The following ATOH8 variants were observed in gnomAD, a reference collection of about 807,000 sequenced individuals.
ATOH8 encodes atonal bHLH transcription factor 8.
ATOH8 carries 9 observed loss-of-function variants against 21.2 expected under a neutral mutation model. The observed-to-expected ratio is 0.42, with a 90% confidence interval of 0.26 to 0.74. The LOEUF (loss-of-function observed/expected upper bound fraction) is 0.74. ATOH8 is among the 30% of genes least tolerant of loss of function. The pLI is 0.24. For missense variants in ATOH8, 524 were observed against 470.9 expected, an observed-to-expected ratio of 1.11 and a Z score of -1.04; for synonymous variants, 253 against 224.0, an observed-to-expected ratio of 1.13 and a Z score of -1.16.
intron 1 of ATOH8, among the ~76,000 whole-genome samples, chr2:85,757,823 T>A (rs1679757764): frequency 6.7e-6 from 1 of 150,338 alleles, no homozygotes; most frequent in South Asian, 2.1e-4. Context: ...TCTCTTTCTG[T>A]TGACCAGGCT....
chr2:85,755,813 C>G (rs1418754357), intron 1 of ATOH8, among the ~76,000 whole-genome samples: 1 of 152,078 alleles, frequency 6.6e-6, no homozygotes, highest in Non-Finnish European at 1.5e-5. Context: ...CGAGAAGGAG[C>G]TCTAGGAAGG....
chr2:85,788,997 T>A lies in ATOH8; in HGVS notation c.*2107T>A, dbSNP rs1297144309. On this transcript the variant is annotated 3_prime_UTR_variant, in exon 3 of 3. Coordinates refer to ENST00000306279, the MANE Select transcript of ATOH8 (RefSeq NM_032827.7). ...AGCCACCCTGTGAAGCTGGCACAGA[T>A]AACAGCACTGCTCTGTTGTCCCTCG... Among the ~76,000 whole-genome samples, 1 of 152,206 alleles carries A rather than the reference T, an allele frequency of 6.6e-6. No individual in the cohort carries two copies. The highest frequency in any genetic ancestry group is 2.1e-4 in the South Asian group (1 of 4,836).
At chr2:85,767,101 C>T (rs1242377292) in intron 2 of ATOH8, among the ~76,000 whole-genome samples, 1 of 150,442 alleles carries the variant, frequency 6.6e-6, no homozygotes, top group Admixed American at 6.6e-5. Context: ...TCCTGGCTTT[C>T]GAGTTGCAAT....
At chr2:85,782,127 CT>C (rs1196060634) in intron 2 of ATOH8, among the ~76,000 whole-genome samples, 3 of 152,196 alleles carry the variant, frequency 2.0e-5, no homozygotes, top group South Asian at 2.1e-4. Flanking sequence ...CATATCTGCT[CT>C]TTTTTTCACC....
intron 2 of ATOH8, among the ~76,000 whole-genome samples, chr2:85,767,682 G>A (rs920430092): frequency 1.3e-4 from 18 of 139,566 alleles, no homozygotes; most frequent in South Asian, 7.3e-4. Context: ...ATCATGCAGC[G>A]ACTGAACACT....
Position 85,787,198 on chromosome 2 carries a change from A to G in ATOH8, c.*308A>G, listed in dbSNP as rs1379566836. Reference sequence around the variant, plus strand: ...AGAAATTCGTTGCCAAAGATTGGACAGAGACACCGAAGGAAATGGGGTGGT... The same window carrying G: ...AGAAATTCGTTGCCAAAGATTGGACGGAGACACCGAAGGAAATGGGGTGGT... On this transcript the variant is annotated 3_prime_UTR_variant, in exon 3 of 3. Coordinates refer to ENST00000306279, the MANE Select transcript of ATOH8 (RefSeq NM_032827.7). 1.2e-5 allele frequency: 5 copies of G among 409,346 alleles called. No homozygotes were observed. In the Admixed American group the frequency reaches 1.7e-4, roughly 14 times the overall value. The allele number at this position is 409,346 out of a possible 1,614,324, so 25.4% of individuals were successfully genotyped here.
At position 85,754,802 on chromosome 2, in the gene ATOH8, G is replaced by C; in HGVS notation, c.613G>C (p.Asp205His). ...ISHVIYNNHQ[D>H]SSASPRKRPG... is the part of the protein sequence containing the mutation. ...ACACGTAATTTACAATAACCACCAG[G>C]ATTCCTCCGCGTCGCCTAGGAAACG... is the stretch of plus-strand genomic sequence containing the variant. The change falls in exon 1 of 3, where the codon GAT (aspartate) becomes CAT (histidine). Residue 205 changes from aspartate to histidine, a missense_variant. By Grantham distance (81) the Asp-to-His change is moderately conservative (BLOSUM62 -1). Transcript: ENST00000306279. The C allele has an allele frequency of 6.2e-7, 1 of 1,612,942 alleles. No homozygotes were observed. The highest frequency in any genetic ancestry group is 8.5e-7 in the Non-Finnish European group (1 of 1,179,908).
chr2:85,779,117 C>T (rs1189879833), intron 2 of ATOH8, among the ~76,000 whole-genome samples: 1 of 152,250 alleles, frequency 6.6e-6, no homozygotes, highest in Non-Finnish European at 1.5e-5. Context: ...GCCTGGATGC[C>T]TCTTCTGGCT....
intron 2 of ATOH8, among the ~76,000 whole-genome samples, chr2:85,768,751 T>C (rs912118273): frequency 6.6e-6 from 1 of 152,178 alleles, no homozygotes; most frequent in Admixed American, 6.5e-5. Flanking sequence ...CTTCCGCCCA[T>C]CTCAGCCCTC....
chr2:85,775,388 A>G (rs187508854), intron 2 of ATOH8, among the ~76,000 whole-genome samples: 197 of 152,328 alleles, frequency 1.3e-3, no homozygotes, highest in African/African-American at 4.5e-3. Context: ...GGACACAGCT[A>G]GGGAGATGCC....
intron 2 of ATOH8, among the ~76,000 whole-genome samples, chr2:85,772,294 C>T (rs1015730772): frequency 1.2e-4 from 18 of 152,336 alleles, no homozygotes; most frequent in African/African-American, 3.6e-4. Flanking sequence ...CAGCTGGGAG[C>T]GCGCCTGGTT....
rs1170851077 is a variant in ATOH8, at chr2:85,770,679, G to A, written c.960+6497G>A. Among the ~76,000 whole-genome samples, 14 of 152,306 alleles carry A rather than the reference G, an allele frequency of 9.2e-5. No individual in the cohort carries two copies. In the East Asian group the frequency reaches 2.3e-3, roughly 25 times the overall value. On this transcript the variant is annotated intron_variant, in intron 2 of 2. Coordinates refer to ENST00000306279, the MANE Select transcript of ATOH8 (RefSeq NM_032827.7). ...GGAGCCTCCCAGGTGAGCTGAGCTG[G>A]CTTTCCCTGAACGTGGACCGTGCCT...
chr2:85,785,048 A>G lies in ATOH8; in HGVS notation c.961-1837A>G, dbSNP rs1334444898. Reference sequence around the variant, plus strand: ...AATCCTGGATGGTAGCTGTGGCTTCAGCGGGGACTAAGAGCCAACAGACGG... The same window carrying G: ...AATCCTGGATGGTAGCTGTGGCTTCGGCGGGGACTAAGAGCCAACAGACGG... On this transcript the variant is annotated intron_variant, in intron 2 of 2. Transcript: ENST00000306279. The surrounding 1 kb of genome is among the most constrained non-coding windows in gnomAD (Gnocchi z 4.1). Among the ~76,000 whole-genome samples the G allele has an allele frequency of 6.6e-6, 1 of 152,244 alleles. No individual in the cohort carries two copies. Among genetic ancestry groups the G allele is most frequent in the Non-Finnish European group, 1.5e-5 (1 of 68,036 alleles).
chr2:85,757,539 G>T (rs1679744575), intron 1 of ATOH8, among the ~76,000 whole-genome samples: 6 of 152,326 alleles, frequency 3.9e-5, no homozygotes, highest in Admixed American at 3.9e-4. Context: ...CTGGCCTGGG[G>T]CTTCATTCTC....
At position 85,754,954 on chromosome 2, in the gene ATOH8, G is replaced by T; in HGVS notation, c.765G>T (p.Lys255Asn). The change falls in exon 1 of 3, where the codon AAG becomes AAT. Residue 255 changes from lysine (K) to asparagine (N), a missense_variant. Coordinates refer to ENST00000306279, the MANE Select transcript of ATOH8 (RefSeq NM_032827.7). ...GCGCAGCCTTCGAGGCGCTCAGGAA[G>T]CAGGTACCCGCTCGCCGCCGCACGC... is the stretch of plus-strand genomic sequence containing the variant. Reference protein sequence around the residue: ...TISAAFEALRKQVPCYSYGQK... With the variant: ...TISAAFEALRNQVPCYSYGQK... The T allele has an allele frequency of 6.3e-7, 1 of 1,587,938 alleles. No homozygotes were observed. The highest frequency in any genetic ancestry group is 1.4e-5 in the African/African-American group (1 of 73,940).
At chr2:85,761,666 G>T (rs1251827179) in intron 1 of ATOH8, among the ~76,000 whole-genome samples, 2 of 152,130 alleles carry the variant, frequency 1.3e-5, no homozygotes, top group Non-Finnish European at 2.9e-5. Context: ...AGTGCTGAGG[G>T]CTGTGTCACA....
intron 2 of ATOH8, among the ~76,000 whole-genome samples, chr2:85,783,055 A>G (rs571408353): frequency 6.6e-6 from 1 of 152,350 alleles, no homozygotes; most frequent in African/African-American, 2.4e-5. Context: ...AACAGCAAAC[A>G]AAACAGGCCA....
rs559721107 is a variant in ATOH8 at position 85,777,681 on chromosome 2, T to G, written c.961-9204T>G. ...TGGCACAGAAAACATGTGGCTTCCTTTCTCCAGGGAAGTCTGCTTCTGTGC... is the reference window on the plus strand; with the variant it reads ...TGGCACAGAAAACATGTGGCTTCCTGTCTCCAGGGAAGTCTGCTTCTGTGC... On this transcript the variant is annotated intron_variant, in intron 2 of 2. Coordinates refer to ENST00000306279, the MANE Select transcript of ATOH8 (RefSeq NM_032827.7). Among the ~76,000 whole-genome samples the G allele has an allele frequency of 5.9e-5, 9 of 152,334 alleles. 1 individual carries two copies. The South Asian group carries it at 1.9e-3, about 32-fold the overall frequency.
At chr2:85,773,178 G>A (rs893493959) in intron 2 of ATOH8, 1 of 266,160 alleles carries the variant, frequency 3.8e-6, no homozygotes, top group South Asian at 3.8e-5. Flanking sequence ...ACCCCCATCA[G>A]CTCATCAGAG....
Sources: gnomAD v4.1 joint callset for allele counts (sites outside exome capture counted in the v4.1 genomes callset) on GRCh38, gnomAD v4.1.1 for gene constraint, Gnocchi (gnomAD v3.1) non-coding constraint, MANE v1.5 for transcripts, NCBI Gene and HGNC (gene_info 2026-07-23, HGNC 2026-07-21) for gene names.